The following USP10 variants were observed in gnomAD, a reference collection of about 807,000 sequenced individuals.
The protein encoded by USP10 is ubiquitin carboxyl-terminal hydrolase 10.
USP10 carries 22 observed loss-of-function variants against 84.5 expected under a neutral mutation model. The ratio of observed to expected loss-of-function variants is 0.26; its 90% CI spans 0.19 to 0.37. The LOEUF is 0.37. Among genes scored for constraint, USP10 ranks in the 10% least tolerant of loss-of-function variants. The pLI is 1.00. For synonymous variants in USP10, 454 were observed against 387.6 expected, an observed-to-expected ratio of 1.17 and a Z score of -2.01; for missense variants, 1,019 against 998.9, an observed-to-expected ratio of 1.02 and a Z score of -0.27.
intron 1 of USP10, among the ~76,000 whole-genome samples, chr16:84,720,469 G>T (rs945167898): frequency 6.6e-6 from 1 of 151,986 alleles, no homozygotes; most frequent in Non-Finnish European, 1.5e-5. Flanking sequence ...AATAAAGGTT[G>T]AGCCAGGCAA....
At chr16:84,715,384 T>C (rs1022127096) in intron 1 of USP10, among the ~76,000 whole-genome samples, 4 of 152,176 alleles carry the variant, frequency 2.6e-5, no homozygotes, top group Non-Finnish European at 5.9e-5. Context: ...TTACAAGATG[T>C]GTAATTAAGT....
At chr16:84,711,656 G>T (rs1195209040) in intron 1 of USP10, among the ~76,000 whole-genome samples, 1 of 151,722 alleles carries the variant, frequency 6.6e-6, no homozygotes, top group Non-Finnish European at 1.5e-5. Context: ...TCTAAGTTAG[G>T]TGCCAGCAGC....
intron 1 of USP10, among the ~76,000 whole-genome samples, chr16:84,727,279 A>G (rs562588336): frequency 6.6e-6 from 1 of 152,354 alleles, no homozygotes; most frequent in Admixed American, 6.5e-5. Flanking sequence ...AATCCTGTGA[A>G]GTCAGACACA....
rs1200573514 is a variant in USP10, at chr16:84,745,217, C to T, written c.736C>T (p.Pro246Ser). The T allele has an allele frequency of 2.5e-6, 4 of 1,613,016 alleles. No homozygotes were observed. The highest frequency in any genetic ancestry group is 1.3e-5 in the African/African-American group (1 of 74,902). ...GACTGCAGGGCAGCCAGAGGGGGGC[C>T]CCGGGGCTGATTTTGGTCAGTCCTG... ...TRTAGQPEGGPGADFGQSCFP... is the reference protein window; with the variant it reads ...TRTAGQPEGGSGADFGQSCFP... The change falls in exon 4 of 14, where the codon CCC (proline) becomes TCC (serine). Residue 246 changes from proline (P) to serine (S), a missense_variant. This residue lies in a region of USP10 where 787 missense variants were observed against 708.8 expected (regional missense o/e 1.11). Transcript: ENST00000219473.
Position 84,745,182 on chromosome 16 carries a change from G to C in USP10, c.701G>C (p.Ser234Thr). Residue 234 changes from serine to threonine, a missense_variant, in exon 4 of 14, where the codon AGT (serine) becomes ACT (threonine). By Grantham distance (58) the Ser-to-Thr change is moderately conservative. Transcript: ENST00000219473. The stretch of plus-strand genomic sequence containing the variant: ...AGTCCTTTCCCCGGAGCACTCGGCA[G>C]TGACACCAGGACTGCAGGGCAGCCA... ...PDSPFPGALG[S>T]DTRTAGQPEG... 6.2e-7 allele frequency: 1 copy of C among 1,613,382 alleles called. No individual in the cohort carries two copies. Among genetic ancestry groups the C allele is most frequent in the South Asian group, 1.1e-5 (1 of 91,050 alleles).
chr16:84,711,087 A>G (rs888016795), intron 1 of USP10, among the ~76,000 whole-genome samples: 1 of 152,034 alleles, frequency 6.6e-6, no homozygotes, highest in African/African-American at 2.4e-5. Context: ...GAAACCTGAC[A>G]TTTTGCCACT....
intron 2 of USP10, among the ~76,000 whole-genome samples, chr16:84,734,387 T>G (rs1438073278): frequency 1.3e-5 from 2 of 152,236 alleles, no homozygotes; most frequent in Non-Finnish European, 1.5e-5. Flanking sequence ...AGCTGGGTAC[T>G]ATTTCATTCT....
intron 8 of USP10, among the ~76,000 whole-genome samples, chr16:84,762,178 G>A (rs1913284670): frequency 1.3e-5 from 2 of 152,216 alleles, no homozygotes; most frequent in South Asian, 2.1e-4. Flanking sequence ...CACAGCTAAC[G>A]CTCTAAATCA....
At chr16:84,722,412 A>G (rs1195205335) in intron 1 of USP10, among the ~76,000 whole-genome samples, 1 of 152,200 alleles carries the variant, frequency 6.6e-6, no homozygotes. Flanking sequence ...GTGTGGACAT[A>G]GGTTTTCATT....
chr16:84,758,668 T>G (rs1158642210), intron 4 of USP10, 48 bp from the exon 5 acceptor site: 3 of 1,306,922 alleles, frequency 2.3e-6, no homozygotes, highest in Admixed American at 1.7e-5. Flanking sequence ...TTGAATGTTC[T>G]TCACTAGATG....
intron 1 of USP10, among the ~76,000 whole-genome samples, chr16:84,720,793 G>T (rs1194578728): frequency 6.6e-6 from 1 of 150,802 alleles, no homozygotes; most frequent in Non-Finnish European, 1.5e-5. Flanking sequence ...CGTATTAGCG[G>T]GGATGGTCTC....
At chr16:84,710,360 T>A (rs1050054968) in intron 1 of USP10, among the ~76,000 whole-genome samples, 1 of 152,242 alleles carries the variant, frequency 6.6e-6, no homozygotes, top group East Asian at 1.9e-4. Flanking sequence ...TTTGATTCTT[T>A]AGGCTCTCCT....
At chr16:84,772,482 G>A (rs1914558612) in intron 11 of USP10, 59 bp from the exon 12 acceptor site, 1 of 1,604,634 alleles carries the variant, frequency 6.2e-7, no homozygotes, top group Non-Finnish European at 8.5e-7. Context: ...AGGTGGATGT[G>A]GTGTTAGCTG....
chr16:84,764,931 G>GAGAGAAAAA lies in USP10; in HGVS notation c.1832+669_1832+670insGAGAAAAAA, dbSNP rs11373757. Reference sequence around the variant, plus strand: ...ATAAACAATAACCACGAGAGAGAGAGAAAAAAAAATATATATATATATATT... The same window carrying GAGAGAAAAA: ...ATAAACAATAACCACGAGAGAGAGAGAGAGAAAAAAAAAAAAAATATATATATATATATT... On this transcript the variant is annotated intron_variant, in intron 10 of 13. Coordinates refer to ENST00000219473, the MANE Select transcript of USP10 (RefSeq NM_005153.3). 4.6e-4 allele frequency among the ~76,000 whole-genome samples: 18 copies of GAGAGAAAAA among 39,264 alleles called. No individual in the cohort carries two copies. The East Asian group carries it at 9.3e-3, about 20-fold the overall frequency. The allele number at this position is 39,264 out of a possible 152,430, so 25.8% of individuals were successfully genotyped here. A position where few individuals can be genotyped will look rare whatever the true frequency, so the allele number is the denominator to read the frequency against.
chr16:84,721,549 A>G (rs1350632292), intron 1 of USP10, among the ~76,000 whole-genome samples: 1 of 152,174 alleles, frequency 6.6e-6, no homozygotes. Flanking sequence ...TGTTTTTCAG[A>G]CGAGGTCTTG....
At chr16:84,726,638 C>T (rs62048855) in intron 1 of USP10, among the ~76,000 whole-genome samples, 45,556 of 152,096 alleles carry the variant, frequency 0.3, 8,163 homozygotes, top group Non-Finnish European at 0.42. Flanking sequence ...TTTTCCACAT[C>T]CTCTTGAGAA....
intron 11 of USP10, among the ~76,000 whole-genome samples, chr16:84,772,253 G>T (rs993875774): frequency 6.6e-6 from 1 of 152,154 alleles, no homozygotes; most frequent in African/African-American, 2.4e-5. Context: ...ATTTCACCAT[G>T]TTGGCCAGGC....
intron 2 of USP10, among the ~76,000 whole-genome samples, chr16:84,738,946 G>A (rs776330419): frequency 1.2e-4 from 18 of 152,108 alleles, no homozygotes; most frequent in Non-Finnish European, 2.5e-4. Flanking sequence ...ACTGGCCTTT[G>A]TACTGCAGTG....
At chr16:84,774,902 C>A (rs902674207) in intron 12 of USP10, among the ~76,000 whole-genome samples, 1 of 152,120 alleles carries the variant, frequency 6.6e-6, no homozygotes, top group African/African-American at 2.4e-5. Context: ...TTTAAGGGGC[C>A]TCCCACAGGA....
Sources: allele counts gnomAD v4.1 joint callset (sites outside exome capture counted in the v4.1 genomes callset), GRCh38; gene constraint gnomAD v4.1.1; regional missense constraint gnomAD v4.1.1; transcripts MANE v1.5; gene names NCBI Gene and HGNC (gene_info 2026-07-23, HGNC 2026-07-21).